Variants in MTPAP observed in about 807,000 individuals in gnomAD.
The protein encoded by MTPAP is mitochondrial poly(A) polymerase, also known as poly(A) RNA polymerase, mitochondrial.
Under a neutral mutation model 48.7 loss-of-function variants are expected in MTPAP, and 23 were observed. The observed-to-expected ratio is 0.47, with a 90% CI of 0.34 to 0.67. MTPAP has a LOEUF of 0.67. Ranked by LOEUF, MTPAP falls within the 30% of genes least tolerant of loss-of-function variation. MTPAP has a pLI of 0.01. For missense variants in MTPAP, 614 were observed against 694.3 expected (o/e 0.88, Z 1.30); for synonymous variants, 257 against 254.1 (o/e 1.01, Z -0.11).
chr10:30,323,451 C>CAAAAAAAAAAAAA (rs755342499), intron 5 of MTPAP, among the ~76,000 whole-genome samples: 2 of 84,716 alleles, frequency 2.4e-5, no homozygotes, highest in Non-Finnish European at 2.0e-5. Flanking sequence ...GACCCTGCCT[C>CAAAAAAAAAAAAA]AAAAAAAAAA....
intron 1 of MTPAP, chr10:30,348,786 T>A (rs1834900036): frequency 5.8e-6 from 2 of 342,384 alleles, no homozygotes; most frequent in South Asian, 3.3e-5. Context: ...CTGGCTCAGG[T>A]GTGTAGCATT....
intron 3 of MTPAP, among the ~76,000 whole-genome samples, chr10:30,338,299 TTAACATAACAACATAACATTAACA>T (rs1207171610): frequency 6.7e-5 from 4 of 60,016 alleles, no homozygotes; most frequent in Non-Finnish European, 2.9e-4. Context: ...CAACATAACA[TTAACATAACAACATAACATTAACA>T]TAACATAACA....
chr10:30,337,986 C>T (rs1426846552), intron 3 of MTPAP, among the ~76,000 whole-genome samples: 1 of 152,108 alleles, frequency 6.6e-6, no homozygotes, highest in African/African-American at 2.4e-5. Context: ...TATCAACTGG[C>T]TGGGCACAGT....
At chr10:30,333,670 T>C (rs1834696837) in intron 4 of MTPAP, among the ~76,000 whole-genome samples, 2 of 152,156 alleles carry the variant, frequency 1.3e-5, no homozygotes, top group East Asian at 1.9e-4. Context: ...ATCGTAGCAC[T>C]TGGGGAGGCC....
At chr10:30,323,451 CAAAAAAAA>C (rs755342499) in intron 5 of MTPAP, among the ~76,000 whole-genome samples, 2 of 84,726 alleles carry the variant, frequency 2.4e-5, no homozygotes, top group Non-Finnish European at 4.0e-5. Flanking sequence ...GACCCTGCCT[CAAAAAAAA>C]AAAAAAAAAA....
intron 8 of MTPAP, 27 bp from the exon 9 acceptor site, chr10:30,313,998 A>C (rs1238181022): frequency 2.4e-5 from 39 of 1,607,952 alleles, no homozygotes; most frequent in Non-Finnish European, 3.2e-5. Context: ...AGAAGAAAAA[A>C]TGAGTAAGTA....
At position 30,349,259 on chromosome 10, in the gene MTPAP, A is replaced by C. The variant is rs200030815; in HGVS notation, c.17T>G (p.Val6Gly). The C allele has an allele frequency of 7.1e-7, 1 of 1,402,678 alleles. No homozygotes were observed. Among genetic ancestry groups the C allele is most frequent in the Non-Finnish European group, 9.7e-7 (1 of 1,035,036 alleles). 86.9% of individuals were successfully genotyped at this position (1,402,678 alleles called of 1,614,324 possible). A position where few individuals can be genotyped will look rare whatever the true frequency, so the allele number is the denominator to read the frequency against. Residue 6 changes from valine (V) to glycine (G), a missense_variant, in exon 1 of 9, where the codon GTG (valine) becomes GGG (glycine). This residue lies in a region of MTPAP where 125 missense variants were observed against 111.5 expected (regional missense o/e 1.12). Transcript: ENST00000263063. Reference sequence around the variant, plus strand: ...CAGGTTCAAACGGGTCAAGAGCCCCACGCCGGGAACCGCCATTGCTAAAAA... The same window carrying C: ...CAGGTTCAAACGGGTCAAGAGCCCCCCGCCGGGAACCGCCATTGCTAAAAA... MAVPG[V>G]GLLTRLNLCA...
chr10:30,314,043 A>G, intron 8 of MTPAP, 72 bp from the exon 9 acceptor site: 2 of 1,499,560 alleles, frequency 1.3e-6, no homozygotes, highest in East Asian at 2.3e-5. Flanking sequence ...AGTTAACTCA[A>G]TAAAATGTCA....
At chr10:30,324,998 A>G (rs962735316) in intron 5 of MTPAP, among the ~76,000 whole-genome samples, 4 of 152,102 alleles carry the variant, frequency 2.6e-5, no homozygotes, top group Admixed American at 1.3e-4. Context: ...CTCAAAAAAA[A>G]AAAAAGAAAA....
chr10:30,325,422 G>A (rs1834573706), intron 5 of MTPAP, among the ~76,000 whole-genome samples: 2 of 152,316 alleles, frequency 1.3e-5, no homozygotes, highest in African/African-American at 2.4e-5. Context: ...GCAATGAGAA[G>A]TTAAGAAATA....
At chr10:30,326,307 T>TA (rs1834596959) in intron 5 of MTPAP, 117 bp downstream of exon 5, 1 of 964,728 alleles carries the variant, frequency 1.0e-6, no homozygotes, top group South Asian at 1.7e-5. Flanking sequence ...GATAAATTTT[T>TA]AAAAAATTAT....
Position 30,334,320 on chromosome 10 carries a change from A to G in MTPAP, c.780+2483T>C, listed in dbSNP as rs1010012511. Among the ~76,000 whole-genome samples, 4 of 152,170 alleles carry G rather than the reference A, an allele frequency of 2.6e-5. No individual in the cohort carries two copies. In the South Asian group the frequency reaches 6.2e-4, roughly 24 times the overall value. On this transcript the variant is annotated intron_variant, in intron 4 of 8. Transcript: ENST00000263063. ...GAAGGCACAGAACAACTGTTTGATC[A>G]TTATGATATTTACAAGTGCCTTCTA...
At chr10:30,335,976 C>T (rs1382247956) in intron 4 of MTPAP, among the ~76,000 whole-genome samples, 2 of 152,054 alleles carry the variant, frequency 1.3e-5, no homozygotes, top group Non-Finnish European at 2.9e-5. Flanking sequence ...CACCATTGCA[C>T]TCCAGGCTGG....
At chr10:30,314,808 G>C (rs1294382043) in intron 8 of MTPAP, among the ~76,000 whole-genome samples, 2 of 148,356 alleles carry the variant, frequency 1.3e-5, no homozygotes, top group Admixed American at 1.4e-4. Flanking sequence ...GGAGGCGGAG[G>C]CTGCAGTGAG....
At chr10:30,342,953 T>C (rs893578410) in intron 1 of MTPAP, among the ~76,000 whole-genome samples, 2 of 152,168 alleles carry the variant, frequency 1.3e-5, no homozygotes, top group African/African-American at 4.8e-5. Flanking sequence ...CTAGCCACAA[T>C]GGGAAGGTCA....
chr10:30,343,481 C>G (rs915452865), intron 1 of MTPAP, among the ~76,000 whole-genome samples: 2 of 151,640 alleles, frequency 1.3e-5, no homozygotes. Context: ...TAGAAATCAG[C>G]AGAAGCTTTT....
In MTPAP at chr10:30,313,580, G is replaced by A. The variant is rs1840624624; in HGVS notation, c.*29C>T. 6.2e-7 allele frequency: 1 copy of A among 1,613,802 alleles called. No homozygotes were observed. Among genetic ancestry groups the A allele is most frequent in the East Asian group, 2.2e-5 (1 of 44,890 alleles). On this transcript the variant is annotated 3_prime_UTR_variant, in exon 9 of 9. Coordinates refer to ENST00000263063, the MANE Select transcript of MTPAP (RefSeq NM_018109.4). ...GTCCACAGACCATTTGATAGGCTAAGCCCAGTTCTTTACACAATGTAGCAG... is the reference window on the plus strand; with the variant it reads ...GTCCACAGACCATTTGATAGGCTAAACCCAGTTCTTTACACAATGTAGCAG...
In MTPAP at chr10:30,335,190, A is replaced by G. The variant is rs376087050; in HGVS notation, c.780+1613T>C. 7.5e-4 allele frequency among the ~76,000 whole-genome samples: 115 copies of G among 152,360 alleles called. 1 individual carries two copies. In the South Asian group the frequency reaches 0.023, roughly 30 times the overall value. ...AGCCATAGAAACTAAACATTTTATA[A>G]AAACACATAGCCTTGGCCGCGTGTG... On this transcript the variant is annotated intron_variant, in intron 4 of 8. Transcript: ENST00000263063.
At chr10:30,318,685 T>C (rs1466599950) in intron 6 of MTPAP, among the ~76,000 whole-genome samples, 1 of 152,158 alleles carries the variant, frequency 6.6e-6, no homozygotes, top group East Asian at 1.9e-4. Context: ...GAACCAAATA[T>C]GAAAGTTAAT....
Sources: gnomAD v4.1 joint callset for allele counts (sites outside exome capture counted in the v4.1 genomes callset) on GRCh38, gnomAD v4.1.1 for gene constraint, gnomAD v4.1.1 regional missense constraint, MANE v1.5 for transcripts, NCBI Gene and HGNC (gene_info 2026-07-23, HGNC 2026-07-21) for gene names.